AZIN1: variants seen among roughly 807,000 people sequenced by gnomAD.
AZIN1 encodes the protein ornithine decarboxylase antizyme inhibitor.
In AZIN1, 12 loss-of-function variants were observed where a neutral mutation model predicts 47.4. That is an observed-to-expected ratio of 0.25 (90% CI 0.16 to 0.41). The LOEUF (loss-of-function observed/expected upper bound fraction) is 0.41, where lower values mean the gene tolerates loss of function less well. Ranked by LOEUF, AZIN1 falls within the 10% of genes least tolerant of loss-of-function variation. AZIN1 has a pLI of 1.00. For synonymous variants in AZIN1, 155 were observed against 176.3 expected (o/e 0.88, Z 0.96); for missense variants, 410 against 532.4 (o/e 0.77, Z 2.26).
At position 102,828,144 on chromosome 8, in the gene AZIN1, A is replaced by C. The variant is rs1811209358; in HGVS notation, c.*423T>G. 6.5e-6 allele frequency: 1 copy of C among 154,022 alleles called. No homozygotes were observed. The highest frequency in any genetic ancestry group is 2.4e-5 in the African/African-American group (1 of 41,494). The allele number at this position is 154,022 out of a possible 1,614,324, so 9.5% of individuals were successfully genotyped here. A position where few individuals can be genotyped will look rare whatever the true frequency, so the allele number is the denominator to read the frequency against. Reference sequence around the variant, plus strand: ...AAATACACTAAACGTTATCTAATGAAGTCACACTGGTCTTCTAACATTTGA... The same window carrying C: ...AAATACACTAAACGTTATCTAATGACGTCACACTGGTCTTCTAACATTTGA... On this transcript the variant is annotated 3_prime_UTR_variant, in exon 12 of 12. Coordinates refer to ENST00000337198, the MANE Select transcript of AZIN1 (RefSeq NM_148174.4).
chr8:102,838,785 T>G lies in AZIN1; in HGVS notation c.408A>C (p.Glu136Asp). ...TACGTGCAATTTTCTTCAATTCAAT[T>G]TCATTGTCACATGTCAGGATATTCA... Reference protein sequence around the residue: ...VGVNILTCDNEIELKKIARNH... With the variant: ...VGVNILTCDNDIELKKIARNH... Residue 136 changes from glutamate to aspartate, a missense_variant, in exon 5 of 12, where the codon GAA becomes GAC. Around this residue, in one of 3 missense-constraint regions of AZIN1, gnomAD observed 237 missense variants for 309.4 expected, o/e 0.77. Transcript: ENST00000337198. 1 of 1,613,046 alleles carries G rather than the reference T, an allele frequency of 6.2e-7. No homozygotes were observed. Among genetic ancestry groups the G allele is most frequent in the Non-Finnish European group, 8.5e-7 (1 of 1,179,738 alleles).
chr8:102,849,087 A>G (rs1389124918), intron 2 of AZIN1, among the ~76,000 whole-genome samples: 1 of 152,140 alleles, frequency 6.6e-6, no homozygotes, highest in Non-Finnish European at 1.5e-5. Flanking sequence ...CACGAGGTTG[A>G]GATCGAGACC....
At chr8:102,838,349 G>C (rs1040959884) in intron 5 of AZIN1, among the ~76,000 whole-genome samples, 1 of 152,104 alleles carries the variant, frequency 6.6e-6, no homozygotes, top group African/African-American at 2.4e-5. Flanking sequence ...CTATGGCCTA[G>C]GGTAGATTAA....
chr8:102,843,471 A>C, intron 3 of AZIN1, 80 bp downstream of exon 3: 1 of 1,267,946 alleles, frequency 7.9e-7, no homozygotes, highest in Non-Finnish European at 1.1e-6. Context: ...TTCTGATCAG[A>C]TTACCATCTT....
chr8:102,855,070 T>C (rs1251039981), intron 2 of AZIN1, among the ~76,000 whole-genome samples: 2 of 152,176 alleles, frequency 1.3e-5, no homozygotes, highest in East Asian at 3.8e-4. Context: ...TTCTTTTTTT[T>C]TGAGACGGAG....
chr8:102,843,818 T>C (rs1812380192), intron 2 of AZIN1, 71 bp from the exon 3 acceptor site: 2 of 1,058,592 alleles, frequency 1.9e-6, no homozygotes, highest in South Asian at 3.0e-5. Flanking sequence ...AATGAAAGTG[T>C]GCTAAGTGCC....
At chr8:102,841,790 TAATA>T (rs1812197372) in intron 3 of AZIN1, among the ~76,000 whole-genome samples, 2 of 119,910 alleles carry the variant, frequency 1.7e-5, no homozygotes, top group African/African-American at 6.3e-5. Flanking sequence ...CAGTTAAGTC[TAATA>T]TATATATATA....
At chr8:102,863,514 C>T (rs1026333045) in intron 1 of AZIN1, among the ~76,000 whole-genome samples, 3 of 151,474 alleles carry the variant, frequency 2.0e-5, no homozygotes, top group Non-Finnish European at 3.0e-5. Context: ...CGGCGAGACC[C>T]CCGCGCGCTC....
rs71574080 is a variant in AZIN1, at chr8:102,830,663, G to GAAAAGAAAAAGA, written c.905-739_905-728dup. On this transcript the variant is annotated intron_variant, in intron 9 of 11. Coordinates refer to ENST00000337198, the MANE Select transcript of AZIN1 (RefSeq NM_148174.4). ...CTGTCTCAAAAACAAAAAAAAAAAA[G>GAAAAGAAAAAGA]AAAAGAAAAAGAAAAAGAAAACAGT... 4.1e-5 allele frequency among the ~76,000 whole-genome samples: 6 copies of GAAAAGAAAAAGA among 147,144 alleles called. No individual in the cohort carries two copies. In the East Asian group the frequency reaches 5.9e-4, roughly 15 times the overall value.
At chr8:102,857,889 T>C (rs184977993) in intron 2 of AZIN1, 124 bp downstream of exon 2, 1 of 395,982 alleles carries the variant, frequency 2.5e-6, no homozygotes, top group East Asian at 3.6e-5. Flanking sequence ...ATTTCAGAAA[T>C]TTAAAAGTCA....
chr8:102,848,881 G>A (rs565461470), intron 2 of AZIN1, among the ~76,000 whole-genome samples: 2 of 152,252 alleles, frequency 1.3e-5, no homozygotes, highest in South Asian at 4.1e-4. Context: ...GTTAATTGGC[G>A]ACAATATGTC....
intron 1 of AZIN1, among the ~76,000 whole-genome samples, chr8:102,860,931 AAC>A (rs1201410774): frequency 6.6e-6 from 1 of 152,222 alleles, no homozygotes; most frequent in East Asian, 1.9e-4. Flanking sequence ...GGTAATGAAA[AAC>A]AAAGGAAGAC....
Position 102,839,744 on chromosome 8 carries a change from T to C in AZIN1, c.182A>G (p.Gln61Arg). ...KHSQWQNVVA[Q>R]IKPFYTVKCN... ...CTTCACTGTGTAGAATGGCTTTATCTGAGCCACTACATTCTGCCATTGACT... is the reference window on the plus strand; with the variant it reads ...CTTCACTGTGTAGAATGGCTTTATCCGAGCCACTACATTCTGCCATTGACT... The change falls in exon 4 of 12, where the codon CAG (glutamine) becomes CGG (arginine). Residue 61 changes from glutamine to arginine, a missense_variant. By Grantham distance (43) the Gln-to-Arg change is conservative. Coordinates refer to ENST00000337198, the MANE Select transcript of AZIN1 (RefSeq NM_148174.4). 2 of 1,609,674 alleles carry C rather than the reference T, an allele frequency of 1.2e-6. No homozygotes were observed. Among genetic ancestry groups the C allele is most frequent in the East Asian group, 2.2e-5 (1 of 44,772 alleles).
intron 2 of AZIN1, 121 bp downstream of exon 2, chr8:102,857,892 A>G (rs1813395391): frequency 2.5e-6 from 1 of 396,166 alleles, no homozygotes; most frequent in Admixed American, 4.4e-5. Flanking sequence ...TCAGAAATTT[A>G]AAAGTCACTG....
At chr8:102,834,065 A>C in intron 8 of AZIN1, 124 bp downstream of exon 8, 3 of 705,578 alleles carry the variant, frequency 4.3e-6, no homozygotes, top group Non-Finnish European at 7.0e-6. Flanking sequence ...TTCTAAGAAC[A>C]TAATTTTAAA....
At chr8:102,833,685 CTTGGGGACAGGAGGATCAT>C (rs921081073) in intron 8 of AZIN1, among the ~76,000 whole-genome samples, 2 of 151,476 alleles carry the variant, frequency 1.3e-5, no homozygotes, top group Admixed American at 6.6e-5. Context: ...AGGAGGATCA[CTTGGGGACAGGAGGATCAT>C]TTGAGGCCAG....
At position 102,839,786 on chromosome 8, in the gene AZIN1, T is replaced by C. The variant is rs1327143947; in HGVS notation, c.140A>G (p.Lys47Arg). 1.2e-6 allele frequency: 2 copies of C among 1,605,180 alleles called. No homozygotes were observed. Among genetic ancestry groups the C allele is most frequent in the African/African-American group, 1.3e-5 (1 of 74,812 alleles). ...CCATTGACTGTGTTTCTTCACAATC[T>C]TTCCAAGATCTCCCACAAAAAATGC... is the stretch of plus-strand genomic sequence containing the variant. ...KNAFFVGDLG[K>R]IVKKHSQWQN... Residue 47 changes from lysine (K) to arginine (R), a missense_variant, in exon 4 of 12, where the codon AAG (lysine) becomes AGG (arginine). Around this residue, in one of 3 missense-constraint regions of AZIN1, gnomAD observed 237 missense variants for 309.4 expected, o/e 0.77. Transcript: ENST00000337198.
At chr8:102,831,779 C>G (rs1375231780) in intron 9 of AZIN1, among the ~76,000 whole-genome samples, 1 of 151,884 alleles carries the variant, frequency 6.6e-6, no homozygotes, top group Admixed American at 6.6e-5. Flanking sequence ...CGACGAAACC[C>G]TCTACAAAAT....
At chr8:102,860,699 T>C (rs1285534363) in intron 1 of AZIN1, among the ~76,000 whole-genome samples, 12 of 152,244 alleles carry the variant, frequency 7.9e-5, no homozygotes, top group Admixed American at 4.6e-4. Context: ...AAAAACTTTC[T>C]ATCACTTTGA....
Sources: allele counts gnomAD v4.1 joint callset (sites outside exome capture counted in the v4.1 genomes callset), GRCh38; gene constraint gnomAD v4.1.1; regional missense constraint gnomAD v4.1.1; transcripts MANE v1.5; gene names NCBI Gene and HGNC (gene_info 2026-07-23, HGNC 2026-07-21).